Variants in TMIE observed in about 807,000 individuals in gnomAD.
The protein encoded by TMIE is transmembrane inner ear, also known as transmembrane inner ear expressed protein.
A neutral mutation model predicts 16.8 loss-of-function variants in TMIE; 14 were observed. The observed-to-expected ratio is 0.83, with a 90% CI of 0.55 to 1.30. The LOEUF (loss-of-function observed/expected upper bound fraction) is 1.30, where lower values mean the gene tolerates loss of function less well. TMIE is among the 50% of genes most tolerant of loss of function. The pLI, the probability that TMIE is intolerant of heterozygous loss-of-function variation, is 0.00. For missense variants in TMIE, 204 were observed against 205.9 expected (o/e 0.99, Z 0.06); for synonymous variants, 75 against 87.2 (o/e 0.86, Z 0.78).
intron 2 of TMIE, among the ~76,000 whole-genome samples, chr3:46,708,712 C>A (rs7628174): frequency 0.14 from 20,829 of 152,260 alleles, 1,592 homozygotes; most frequent in South Asian, 0.24. Flanking sequence ...TGGCCTAGCT[C>A]TCAGTGGTGT....
intron 1 of TMIE, among the ~76,000 whole-genome samples, chr3:46,702,254 C>T (rs1330170741): frequency 6.6e-6 from 1 of 152,040 alleles, no homozygotes; most frequent in Middle Eastern, 3.2e-3. Context: ...GGTTTCTGCT[C>T]AGGGACAAGT....
At chr3:46,697,984 T>A (rs1477143514), upstream of TMIE, among the ~76,000 whole-genome samples, 1 of 152,134 alleles carries the variant, frequency 6.6e-6, no homozygotes, top group Non-Finnish European at 1.5e-5. Flanking sequence ...TACTGGAGAA[T>A]TGGAAGCAAT....
At position 46,705,793 on chromosome 3, in the gene TMIE, A is replaced by G. The variant is rs1700543738; in HGVS notation, c.97A>G (p.Ser33Gly). Residue 33 changes from serine (S) to glycine (G), a missense_variant, in exon 2 of 4, where the codon AGC (serine) becomes GGC (glycine). Transcript: ENST00000643606. ...AGVAGQLVEP[S>G]TAPPKPKPPP... ...TCCCCTCTCTCCTGACCCACAGCCC[A>G]GCACGGCCCCACCCAAGCCCAAGCC... The G allele has an allele frequency of 1.2e-6, 2 of 1,613,730 alleles. No homozygotes were observed. The highest frequency in any genetic ancestry group is 1.3e-5 in the African/African-American group (1 of 74,908).
upstream of TMIE, among the ~76,000 whole-genome samples, chr3:46,700,996 C>T (rs1466764868): frequency 6.6e-6 from 1 of 152,030 alleles, no homozygotes; most frequent in Non-Finnish European, 1.5e-5. Context: ...CAGGACATCC[C>T]TGAGCGCCTG....
At position 46,701,409 on chromosome 3, in the gene TMIE, G is replaced by T; in HGVS notation, c.-79G>T. Reference sequence around the variant, plus strand: ...CCCGTGGCCAAAGCCCGTGGCCACCGAGCGCCGGCTGGCAGGGGCAGTGAC... The same window carrying T: ...CCCGTGGCCAAAGCCCGTGGCCACCTAGCGCCGGCTGGCAGGGGCAGTGAC... On this transcript the variant is annotated 5_prime_UTR_variant, in exon 1 of 4. Transcript: ENST00000643606. This position sits in a 1 kb window ranked among gnomAD's most constrained non-coding sequence, Gnocchi z 4.3. 4 of 1,237,404 alleles carry T rather than the reference G, an allele frequency of 3.2e-6. No homozygotes were observed. The highest frequency in any genetic ancestry group is 3.2e-5 in the East Asian group (1 of 31,174). 76.7% of individuals were successfully genotyped at this position (1,237,404 alleles called of 1,614,324 possible). A position where few individuals can be genotyped will look rare whatever the true frequency, so the allele number is the denominator to read the frequency against.
chr3:46,699,720 A>C (rs1022576018), upstream of TMIE, among the ~76,000 whole-genome samples: 1 of 152,224 alleles, frequency 6.6e-6, no homozygotes, highest in African/African-American at 2.4e-5. Flanking sequence ...GGCTTGCCCT[A>C]CTTCTTGATG....
chr3:46,699,816 G>A (rs767917678), upstream of TMIE, among the ~76,000 whole-genome samples: 1 of 152,222 alleles, frequency 6.6e-6, no homozygotes, highest in Non-Finnish European at 1.5e-5. Context: ...AGCACTGCCT[G>A]TCCTGCTAAG....
intron 2 of TMIE, 54 bp from the exon 3 acceptor site, chr3:46,709,072 T>G: frequency 5.6e-6 from 9 of 1,611,902 alleles, no homozygotes; most frequent in Non-Finnish European, 6.8e-6. Context: ...CGGATGCCAT[T>G]CCTTGGGTCT....
chr3:46,705,946 T>G, intron 2 of TMIE, 39 bp downstream of exon 2: 2 of 1,556,718 alleles, frequency 1.3e-6, no homozygotes, highest in Non-Finnish European at 1.8e-6. Context: ...CACACTGCAG[T>G]GGGAACACAG....
chr3:46,708,284 T>C (rs1171373389), intron 2 of TMIE, among the ~76,000 whole-genome samples: 5 of 152,204 alleles, frequency 3.3e-5, no homozygotes, highest in Admixed American at 1.3e-4. Flanking sequence ...TTCCCCAAAA[T>C]AGACCTGGTT....
At chr3:46,706,430 G>A (rs1700553840) in intron 2 of TMIE, among the ~76,000 whole-genome samples, 1 of 152,204 alleles carries the variant, frequency 6.6e-6, no homozygotes, top group African/African-American at 2.4e-5. Context: ...GGAGCTTCTT[G>A]ATGCAAAGTC....
chr3:46,701,168 G>T (rs1700468101), upstream of TMIE: 1 of 299,730 alleles, frequency 3.3e-6, no homozygotes, highest in Non-Finnish European at 6.2e-6. This position sits in a 1 kb window ranked among gnomAD's most constrained non-coding sequence, Gnocchi z 4.3. Context: ...CAGAAGGGAG[G>T]GGGACCTGTT....
chr3:46,709,298 C>G, intron 3 of TMIE, 23 bp downstream of exon 3: 3 of 1,613,522 alleles, frequency 1.9e-6, no homozygotes, highest in Non-Finnish European at 2.5e-6. Flanking sequence ...TGGCTTGAGC[C>G]CTGCTGCGCC....
At chr3:46,708,675 C>T (rs1700581444) in intron 2 of TMIE, among the ~76,000 whole-genome samples, 1 of 152,232 alleles carries the variant, frequency 6.6e-6, no homozygotes, top group African/African-American at 2.4e-5. Flanking sequence ...CATGCAGAGC[C>T]ACGTCCTCTC....
chr3:46,708,498 C>T (rs1478155213), intron 2 of TMIE, among the ~76,000 whole-genome samples: 2 of 152,254 alleles, frequency 1.3e-5, no homozygotes, highest in African/African-American at 4.8e-5. Context: ...CAGGCCAGCT[C>T]CATGACCTGG....
chr3:46,697,053 A>G (rs1700417260), upstream of TMIE, among the ~76,000 whole-genome samples: 1 of 152,198 alleles, frequency 6.6e-6, no homozygotes, highest in Non-Finnish European at 1.5e-5. Flanking sequence ...TAGGCAGGGC[A>G]TAACCCCTCT....
upstream of TMIE, among the ~76,000 whole-genome samples, chr3:46,700,529 T>C (rs6442021): frequency 0.59 from 89,804 of 151,944 alleles, 26,626 homozygotes; most frequent in Middle Eastern, 0.61. Context: ...CAGCAGGAGA[T>C]AAATAAGAAT....
rs1311818732 is a variant in TMIE, at chr3:46,701,530, G to GGC, written c.46_47dup (p.Ala17ProfsTer29). The GGC allele has an allele frequency of 1.5e-6, 2 of 1,307,956 alleles. No homozygotes were observed. Among genetic ancestry groups the GGC allele is most frequent in the Non-Finnish European group, 1.9e-6 (2 of 1,031,804 alleles). The allele number at this position is 1,307,956 out of a possible 1,614,324, so 81.0% of individuals were successfully genotyped here. On this transcript the variant is annotated frameshift_variant, in exon 1 of 4. Coordinates refer to ENST00000643606, the MANE Select transcript of TMIE (RefSeq NM_147196.3). LOFTEE classifies it high-confidence loss of function. The surrounding 1 kb of genome is among the most constrained non-coding windows in gnomAD (Gnocchi z 4.3). ...CGCGGGTCCCCTCTGCGTGCTGGGC[G>GGC]GCGCCGCACTCGGGGTGTGCCTCGC...
rs564169139 is a variant in TMIE at position 46,706,794 on chromosome 3, C to T, written c.211+887C>T. On this transcript the variant is annotated intron_variant, in intron 2 of 3. Coordinates refer to ENST00000643606, the MANE Select transcript of TMIE (RefSeq NM_147196.3). Reference sequence around the variant, plus strand: ...GAGCAGAGGCTGGAGGAAATGCAGCCTCACGCAGGGTCTCAGATGAACCCA... The same window carrying T: ...GAGCAGAGGCTGGAGGAAATGCAGCTTCACGCAGGGTCTCAGATGAACCCA... Among the ~76,000 whole-genome samples the T allele has an allele frequency of 2.4e-4, 37 of 152,298 alleles. 2 individuals carry two copies. In the South Asian group the frequency reaches 7.0e-3, roughly 29 times the overall value.
Sources: gnomAD v4.1 joint callset for allele counts (sites outside exome capture counted in the v4.1 genomes callset) on GRCh38, gnomAD v4.1.1 for gene constraint, Gnocchi (gnomAD v3.1) non-coding constraint, MANE v1.5 for transcripts, NCBI Gene and HGNC (gene_info 2026-07-23, HGNC 2026-07-21) for gene names.